The following CORIN variants were observed in gnomAD, a reference collection of about 807,000 sequenced individuals.
The protein encoded by CORIN is atrial natriuretic peptide-converting enzyme.
Under a neutral mutation model 125.3 loss-of-function variants are expected in CORIN, and 117 were observed. The ratio of observed to expected loss-of-function variants is 0.93; its 90% CI spans 0.80 to 1.09. The LOEUF (loss-of-function observed/expected upper bound fraction) is 1.09, where lower values mean the gene tolerates loss of function less well. Among genes scored for constraint, CORIN ranks in the 50% least tolerant of loss-of-function variants. CORIN has a pLI of 0.00. For missense variants in CORIN, 1,253 were observed against 1,306.7 expected, an observed-to-expected ratio of 0.96 and a Z score of 0.63; for synonymous variants, 450 against 466.4, an observed-to-expected ratio of 0.96 and a Z score of 0.45.
chr4:47,749,768 T>A (rs1728820471), intron 4 of CORIN, among the ~76,000 whole-genome samples: 1 of 152,216 alleles, frequency 6.6e-6, no homozygotes, highest in Admixed American at 6.5e-5. Context: ...ACAATCATCT[T>A]TTTAAAAATA....
chr4:47,600,124 T>C, intron 21 of CORIN, 90 bp downstream of exon 21: 4 of 1,157,670 alleles, frequency 3.5e-6, no homozygotes, highest in Non-Finnish European at 4.8e-6. Context: ...AAAAAATGTT[T>C]CCAAAGGGCC....
rs913557307 is a variant in CORIN, at chr4:47,837,812, G to A, written c.63+75C>T. ...CGGAGGAGAGGACGGGGGCGGGAGG[G>A]GCTGACCCTGAATTCACCGGGACTA... On this transcript the variant is annotated intron_variant, in intron 1 of 21. Coordinates refer to ENST00000273857, the MANE Select transcript of CORIN (RefSeq NM_006587.4). 4 of 1,325,864 alleles carry A rather than the reference G, an allele frequency of 3.0e-6. No individual in the cohort carries two copies. In the African/African-American group the frequency reaches 4.3e-5, roughly 14 times the overall value. 82.1% of individuals were successfully genotyped at this position (1,325,864 alleles called of 1,614,324 possible). A position where few individuals can be genotyped will look rare whatever the true frequency, so the allele number is the denominator to read the frequency against.
At chr4:47,731,641 C>T (rs1727877892) in intron 5 of CORIN, among the ~76,000 whole-genome samples, 1 of 152,080 alleles carries the variant, frequency 6.6e-6, no homozygotes, top group African/African-American at 2.4e-5. Context: ...GAGGCTGAGA[C>T]AGGTGGATCA....
chr4:47,674,427 AG>A lies in CORIN; in HGVS notation c.1322del (p.Ser441PhefsTer9), dbSNP rs757111360. ...NPCLDSCGGS[S>X]LCDPNNSLNN... is the part of the protein sequence containing the mutation. ...TCAGACTGTTGTTCGGGTCACAGAG[AG>A]AGCTACCACCACATGAATCAAGGCA... On this transcript the variant is annotated frameshift_variant, in exon 10 of 22. Coordinates refer to ENST00000273857, the MANE Select transcript of CORIN (RefSeq NM_006587.4). LOFTEE classifies it high-confidence loss of function. The A allele has an allele frequency of 5.0e-6, 8 of 1,613,952 alleles. No individual in the cohort carries two copies. The South Asian group carries it at 8.8e-5, about 18-fold the overall frequency.
rs572189426 is a variant in CORIN at position 47,673,113 on chromosome 4, T to C, written c.1357+1280A>G. Among the ~76,000 whole-genome samples the C allele has an allele frequency of 2.0e-5, 3 of 152,062 alleles. No homozygotes were observed. The East Asian group carries it at 5.8e-4, about 29-fold the overall frequency. On this transcript the variant is annotated intron_variant, in intron 10 of 21. Transcript: ENST00000273857. ...CAGTGGCTCGCGCCTGTAAGGCCAG[T>C]GGATTACTTGAGGTCAGGAGTTTGA...
At chr4:47,657,678 T>C (rs954119503) in intron 12 of CORIN, among the ~76,000 whole-genome samples, 2 of 151,990 alleles carry the variant, frequency 1.3e-5, no homozygotes, top group Non-Finnish European at 2.9e-5. Context: ...CTTACAATCA[T>C]GGCAGAAGGT....
In CORIN at chr4:47,661,730, C is replaced by A; in HGVS notation, c.1716G>T (p.Met572Ile). The A allele has an allele frequency of 6.2e-7, 1 of 1,612,648 alleles. No homozygotes were observed. Among genetic ancestry groups the A allele is most frequent in the South Asian group, 1.1e-5 (1 of 90,738 alleles). ...ATTAACCTTCCACATATTCATCAGG[C>A]ATCAGGCAGGTTTGATTGTCTGAAT... ...EENSDNQTCL[M>I]PDEYVEECSP... Residue 572 changes from methionine to isoleucine, a missense_variant, in exon 12 of 22, where the codon ATG becomes ATT. Met to Ile is a conservative substitution (Grantham distance 10). Transcript: ENST00000273857.
intron 21 of CORIN, among the ~76,000 whole-genome samples, chr4:47,599,202 C>A (rs770035915): frequency 3.3e-5 from 5 of 152,164 alleles, no homozygotes; most frequent in Non-Finnish European, 7.4e-5. Context: ...CCATCCACGT[C>A]AGCAGGATGA....
intron 3 of CORIN, among the ~76,000 whole-genome samples, chr4:47,775,566 C>T (rs906124583): frequency 6.6e-6 from 1 of 152,060 alleles, no homozygotes; most frequent in African/African-American, 2.4e-5. Context: ...TTTATGGCTG[C>T]ATAGTGTTCC....
At chr4:47,743,283 A>G (rs894887434) in intron 5 of CORIN, among the ~76,000 whole-genome samples, 2 of 152,212 alleles carry the variant, frequency 1.3e-5, no homozygotes, top group Non-Finnish European at 1.5e-5. Context: ...TAATAAGAGT[A>G]GAAAGGCAAG....
rs1480963132 is a variant in CORIN, at chr4:47,786,855, C to T, written c.279G>A (p.Gly93=). The change falls in exon 3 of 22, where the codon GGG becomes GGA. Residue 93 remains glycine, a synonymous_variant. Transcript: ENST00000273857. The stretch of plus-strand genomic sequence containing the variant: ...TTGTATTTGTAAGAATAACATCGGA[C>T]CCTTGGATTTCACCATCAGTGACCA... ...EPLVTDGEIQ[G]SDVILTNTIY... 6.2e-7 allele frequency: 1 copy of T among 1,613,658 alleles called. No individual in the cohort carries two copies. The highest frequency in any genetic ancestry group is 8.5e-7 in the Non-Finnish European group (1 of 1,179,730).
chr4:47,664,110 G>A (rs1724366789), intron 11 of CORIN, among the ~76,000 whole-genome samples: 1 of 152,094 alleles, frequency 6.6e-6, no homozygotes, highest in Admixed American at 6.6e-5. Context: ...CTCGCATTTA[G>A]GCCAGCACAT....
intron 13 of CORIN, among the ~76,000 whole-genome samples, chr4:47,647,814 A>G (rs1723554108): frequency 1.3e-5 from 2 of 152,196 alleles, no homozygotes; most frequent in African/African-American, 4.8e-5. Flanking sequence ...AGACAACTGG[A>G]TTTGAATCCT....
chr4:47,806,597 A>T (rs2109952258), intron 2 of CORIN, among the ~76,000 whole-genome samples: 1 of 152,148 alleles, frequency 6.6e-6, no homozygotes, highest in African/African-American at 2.4e-5. Flanking sequence ...CTTCCTCTCA[A>T]CTGTGAGCTC....
chr4:47,598,418 G>T (rs962420384), intron 21 of CORIN, among the ~76,000 whole-genome samples: 1 of 152,042 alleles, frequency 6.6e-6, no homozygotes, highest in Non-Finnish European at 1.5e-5. Flanking sequence ...ATACACCACT[G>T]AACTCCCACT....
chr4:47,718,010 G>C (rs1301880773), intron 5 of CORIN, among the ~76,000 whole-genome samples: 1 of 152,108 alleles, frequency 6.6e-6, no homozygotes, highest in Non-Finnish European at 1.5e-5. Context: ...GGGGAAACTG[G>C]GAAGCAAATG....
Position 47,609,584 on chromosome 4 carries a change from C to T in CORIN, c.2541-5916G>A, listed in dbSNP as rs115478455. ...AATTATCTGTAACAGGCAAGGTAAA[C>T]GGATTTTTTTTTTCTTGAACTGTTA... On this transcript the variant is annotated intron_variant, in intron 19 of 21. Coordinates refer to ENST00000273857, the MANE Select transcript of CORIN (RefSeq NM_006587.4). Among the ~76,000 whole-genome samples, 562 of 135,832 alleles carry T rather than the reference C, an allele frequency of 4.1e-3. 3 individuals carry two copies. The highest frequency in any genetic ancestry group is 0.013 in the African/African-American group (516 of 38,418). 89.1% of individuals were successfully genotyped at this position (135,832 alleles called of 152,430 possible). A position where few individuals can be genotyped will look rare whatever the true frequency, so the allele number is the denominator to read the frequency against.
chr4:47,836,994 G>A (rs892290606), intron 1 of CORIN, among the ~76,000 whole-genome samples: 1 of 152,232 alleles, frequency 6.6e-6, no homozygotes, highest in South Asian at 2.1e-4. Context: ...GAGAGGGGCA[G>A]CCGCAAATTA....
intron 2 of CORIN, among the ~76,000 whole-genome samples, chr4:47,791,190 T>C (rs2109926146): frequency 6.6e-6 from 1 of 152,278 alleles, no homozygotes; most frequent in Non-Finnish European, 1.5e-5. Flanking sequence ...CAAGGGTCTT[T>C]ATAAGCAGAA....
Sources: gnomAD v4.1 joint callset for allele counts (sites outside exome capture counted in the v4.1 genomes callset) on GRCh38, gnomAD v4.1.1 for gene constraint, MANE v1.5 for transcripts, NCBI Gene and HGNC (gene_info 2026-07-23, HGNC 2026-07-21) for gene names.